Variants in FAM163A observed in about 807,000 individuals in gnomAD.
FAM163A encodes family with sequence similarity 163 member A, also known as protein FAM163A.
Under a neutral mutation model 12.0 loss-of-function variants are expected in FAM163A, and 7 were observed. The observed-to-expected ratio is 0.58, with a 90% CI of 0.33 to 1.10. The LOEUF is 1.10. Among genes scored for constraint, FAM163A ranks in the 50% least tolerant of loss-of-function variants. The pLI is 0.03. For synonymous variants in FAM163A, 101 were observed against 91.0 expected (o/e 1.11, Z -0.62); for missense variants, 202 against 218.6 (o/e 0.92, Z 0.48).
chr1:179,731,754 T>C, the FAM163A span, among the ~76,000 whole-genome samples: 3 of 152,326 alleles, frequency 2.0e-5, no homozygotes, highest in South Asian at 6.2e-4. Flanking sequence ...TTTTTCTCCC[T>C]CGTGCCCATT....
the FAM163A span, among the ~76,000 whole-genome samples, chr1:179,735,653 G>C: frequency 6.6e-6 from 1 of 151,782 alleles, no homozygotes; most frequent in Non-Finnish European, 1.5e-5. Flanking sequence ...ACAGGCGCCC[G>C]CCACCAAGCC....
intron 1 of FAM163A, among the ~76,000 whole-genome samples, chr1:179,792,283 TTGTGTGTGTGTGTGTGTG>T (rs3075152): frequency 2.0e-4 from 27 of 133,658 alleles, no homozygotes; most frequent in African/African-American, 6.2e-4. Flanking sequence ...CCATATCTGA[TTGTGTGTGTGTGTGTGTG>T]TGTGTGTGTG....
chr1:179,796,177 G>A (rs947040213), intron 1 of FAM163A, among the ~76,000 whole-genome samples: 17 of 150,536 alleles, frequency 1.1e-4, no homozygotes, highest in African/African-American at 3.9e-4. Flanking sequence ...TTAAGGTTTG[G>A]GATGTACATC....
At chr1:179,803,822 C>G (rs1693535961) in intron 1 of FAM163A, 1 of 152,024 alleles carries the variant, frequency 6.6e-6, no homozygotes. Context: ...CCGCCTCGGC[C>G]TCCCAAAGTG....
chr1:179,742,193 A>G (rs1242134027), upstream of FAM163A: 2 of 152,238 alleles, frequency 1.3e-5, no homozygotes, highest in African/African-American at 2.4e-5. Context: ...GTTTTTTAAC[A>G]GTGTATTAGG....
chr1:179,757,184 G>A (rs1686139876), intron 1 of FAM163A, among the ~76,000 whole-genome samples: 1 of 152,164 alleles, frequency 6.6e-6, no homozygotes, highest in African/African-American at 2.4e-5. Flanking sequence ...GATGTGAGGA[G>A]AAGCAATGGG....
chr1:179,795,793 G>A (rs921787155), intron 1 of FAM163A, among the ~76,000 whole-genome samples: 4 of 152,164 alleles, frequency 2.6e-5, no homozygotes, highest in South Asian at 4.2e-4. Context: ...TTTATCATTC[G>A]TGTTTCCCAC....
intron 1 of FAM163A, among the ~76,000 whole-genome samples, chr1:179,805,865 C>G (rs1185117992): frequency 6.6e-6 from 1 of 152,212 alleles, no homozygotes; most frequent in Non-Finnish European, 1.5e-5. Flanking sequence ...CTGGACCCCT[C>G]TCTTCCGAAG....
intron 1 of FAM163A, among the ~76,000 whole-genome samples, chr1:179,793,289 T>G (rs1691786489): frequency 1.3e-5 from 2 of 150,608 alleles, no homozygotes; most frequent in Admixed American, 1.3e-4. Context: ...TGTCTACATG[T>G]CACATATGTC....
At chr1:179,737,503 T>C in the FAM163A span, among the ~76,000 whole-genome samples, 1 of 150,000 alleles carries the variant, frequency 6.7e-6, no homozygotes, top group African/African-American at 2.5e-5. Flanking sequence ...GTAGATCTCA[T>C]GTTAAGTGTT....
chr1:179,761,986 G>A lies in FAM163A; in HGVS notation c.-136+18563G>A, dbSNP rs548009147. Among the ~76,000 whole-genome samples the A allele has an allele frequency of 1.1e-4, 16 of 152,218 alleles. No homozygotes were observed. The South Asian group carries it at 1.7e-3, about 16-fold the overall frequency. ...ATCACAGAGCTTGTGTTTTAACATC[G>A]TTTCTGCACTGAACACCCCCCACTC... On this transcript the variant is annotated intron_variant, in intron 1 of 4. Coordinates refer to ENST00000341785, the MANE Select transcript of FAM163A (RefSeq NM_173509.3).
intron 1 of FAM163A, among the ~76,000 whole-genome samples, chr1:179,760,331 G>C (rs1294167712): frequency 6.6e-6 from 1 of 152,148 alleles, no homozygotes; most frequent in African/African-American, 2.4e-5. Flanking sequence ...GACCCAGGGA[G>C]CCCAAAATCT....
intron 1 of FAM163A, among the ~76,000 whole-genome samples, chr1:179,803,673 A>G (rs1571563721): frequency 6.6e-6 from 1 of 151,868 alleles, no homozygotes; most frequent in Non-Finnish European, 1.5e-5. Context: ...GGTTCAAGCA[A>G]TTCTCCTGCC....
chr1:179,765,216 G>A (rs1301935357), intron 1 of FAM163A, among the ~76,000 whole-genome samples: 1 of 152,226 alleles, frequency 6.6e-6, no homozygotes, highest in Non-Finnish European at 1.5e-5. Context: ...TTGAGGGATG[G>A]CAGGCGGGTG....
At chr1:179,797,239 G>A (rs1269334485) in intron 1 of FAM163A, among the ~76,000 whole-genome samples, 3 of 152,188 alleles carry the variant, frequency 2.0e-5, no homozygotes, top group Non-Finnish European at 4.4e-5. Flanking sequence ...TTGAAGTCAG[G>A]AGTTCGAGAC....
At chr1:179,762,885 G>A (rs1686997908) in intron 1 of FAM163A, among the ~76,000 whole-genome samples, 1 of 152,130 alleles carries the variant, frequency 6.6e-6, no homozygotes. Flanking sequence ...GGGTAGGGGA[G>A]GAAAAAATAA....
At chr1:179,804,724 T>C (rs1376639695) in intron 1 of FAM163A, among the ~76,000 whole-genome samples, 1 of 152,168 alleles carries the variant, frequency 6.6e-6, no homozygotes, top group East Asian at 1.9e-4. Flanking sequence ...AAAGACCACA[T>C]GTTCTCACAT....
At chr1:179,745,738 G>A (rs544636051) in intron 1 of FAM163A, among the ~76,000 whole-genome samples, 10 of 152,222 alleles carry the variant, frequency 6.6e-5, no homozygotes, top group African/African-American at 1.9e-4. Context: ...CCCATTTTTC[G>A]TGTGATGAAA....
chr1:179,770,395 C>T (rs935238300), intron 1 of FAM163A, among the ~76,000 whole-genome samples: 7 of 152,134 alleles, frequency 4.6e-5, no homozygotes, highest in Non-Finnish European at 7.4e-5. Context: ...GCCTGGCTTC[C>T]TGAACTTCCC....
Sources: allele counts gnomAD v4.1 joint callset (sites outside exome capture counted in the v4.1 genomes callset), GRCh38; gene constraint gnomAD v4.1.1; transcripts MANE v1.5; gene names NCBI Gene and HGNC (gene_info 2026-07-23, HGNC 2026-07-21).